Variants in MIA3 observed in about 807,000 individuals in gnomAD.
The protein encoded by MIA3 is MIA SH3 domain ER export factor 3.
A neutral mutation model predicts 192.4 loss-of-function variants in MIA3; 90 were observed. That is an observed-to-expected ratio of 0.47 (90% CI 0.39 to 0.56). The LOEUF is 0.56. Ranked by LOEUF, MIA3 falls within the 20% of genes least tolerant of loss-of-function variation. The pLI is 0.00. For synonymous variants in MIA3, 740 were observed against 792.8 expected, an observed-to-expected ratio of 0.93 and a Z score of 1.12; for missense variants, 2,123 against 2,269.4, an observed-to-expected ratio of 0.94 and a Z score of 1.31.
Position 222,667,777 on chromosome 1 carries a change from CTAAT to C in MIA3, c.*2160_*2163del, listed in dbSNP as rs1292555857. On this transcript the variant is annotated 3_prime_UTR_variant, in exon 28 of 28. Coordinates refer to ENST00000344922, the MANE Select transcript of MIA3 (RefSeq NM_198551.4). ...CATCTATTTTGGAAGTCATCTCCAA[CTAAT>C]TGTGTCTGGATTTAGTTGCTAAAAT... 3.3e-5 allele frequency: 5 copies of C among 151,842 alleles called. No individual in the cohort carries two copies. The highest frequency in any genetic ancestry group is 1.2e-4 in the African/African-American group (5 of 41,246). 9.4% of individuals were successfully genotyped at this position (151,842 alleles called of 1,614,324 possible).
intron 18 of MIA3, among the ~76,000 whole-genome samples, chr1:222,655,569 T>C (rs1026407812): frequency 4.6e-5 from 7 of 152,248 alleles, no homozygotes; most frequent in African/African-American, 1.7e-4. Context: ...TACTGCTGTA[T>C]GCCATTAAAT....
At chr1:222,656,219 G>A (rs1229073058) in intron 18 of MIA3, among the ~76,000 whole-genome samples, 4 of 151,692 alleles carry the variant, frequency 2.6e-5, no homozygotes, top group African/African-American at 7.3e-5. Context: ...TGATCCACCC[G>A]CCTCGGCCTC....
intron 1 of MIA3, among the ~76,000 whole-genome samples, chr1:222,620,418 T>C (rs1241809412): frequency 6.6e-6 from 1 of 152,262 alleles, no homozygotes; most frequent in Admixed American, 6.5e-5. Flanking sequence ...ATTTTGTTTA[T>C]AGAAAAATAT....
intron 19 of MIA3, 110 bp downstream of exon 19, chr1:222,658,933 C>A: frequency 7.7e-6 from 5 of 653,594 alleles, no homozygotes; most frequent in Admixed American, 3.2e-5. Context: ...TACATCAATT[C>A]ACACAAAAGA....
intron 5 of MIA3, 137 bp from the exon 6 acceptor site, chr1:222,632,967 A>G: frequency 2.3e-6 from 2 of 872,004 alleles, no homozygotes; most frequent in Non-Finnish European, 3.6e-6. Flanking sequence ...CACAGTGCAC[A>G]GTAAACATCC....
intron 6 of MIA3, among the ~76,000 whole-genome samples, chr1:222,635,758 TG>T (rs1662596619): frequency 6.6e-6 from 1 of 152,200 alleles, no homozygotes; most frequent in Non-Finnish European, 1.5e-5. Flanking sequence ...ATCTTAGGGT[TG>T]GAAGAGACCT....
chr1:222,621,958 G>C (rs1162198923), intron 2 of MIA3, among the ~76,000 whole-genome samples: 1 of 152,076 alleles, frequency 6.6e-6, no homozygotes, highest in Non-Finnish European at 1.5e-5. Flanking sequence ...GCAGGTGCCT[G>C]CCACCACACG....
intron 1 of MIA3, among the ~76,000 whole-genome samples, chr1:222,619,736 G>A (rs1183405561): frequency 6.6e-6 from 1 of 152,216 alleles, no homozygotes; most frequent in African/African-American, 2.4e-5. Context: ...GAGGCATGAT[G>A]TTAGAAGAGC....
chr1:222,620,119 A>G (rs1661790688), intron 1 of MIA3, among the ~76,000 whole-genome samples: 1 of 152,246 alleles, frequency 6.6e-6, no homozygotes, highest in South Asian at 2.1e-4. Flanking sequence ...GCTTCAAAAA[A>G]CAAGTAGCCC....
Position 222,640,260 on chromosome 1 carries a change from G to A in MIA3, c.3478-5294G>A, listed in dbSNP as rs571569806. On this transcript the variant is annotated intron_variant, in intron 6 of 27. Coordinates refer to ENST00000344922, the MANE Select transcript of MIA3 (RefSeq NM_198551.4). ...ACTATATTGTTAAGCTCCCCAATTT[G>A]ATCACTTGCATTAACATAGCCCCAA... Among the ~76,000 whole-genome samples the A allele has an allele frequency of 3.3e-5, 5 of 152,178 alleles. No individual in the cohort carries two copies. The East Asian group carries it at 9.6e-4, about 29-fold the overall frequency.
chr1:222,660,473 C>G (rs1663956111), intron 24 of MIA3, 159 bp downstream of exon 24: 1 of 539,080 alleles, frequency 1.9e-6, no homozygotes, highest in East Asian at 3.4e-5. Context: ...TATTCAACTG[C>G]AAGATTTGCT....
At chr1:222,650,262 A>G in intron 8 of MIA3, 30 bp from the exon 9 acceptor site, 2 of 1,285,506 alleles carry the variant, frequency 1.6e-6, no homozygotes, top group South Asian at 2.5e-5. Context: ...TAGTGATCAT[A>G]ATAACCTTAT....
In MIA3 at chr1:222,621,286, T is replaced by A. The variant is rs748064494; in HGVS notation, c.261T>A (p.Ala87=). The A allele has an allele frequency of 6.2e-7, 1 of 1,605,454 alleles. No homozygotes were observed. Among genetic ancestry groups the A allele is most frequent in the Non-Finnish European group, 8.5e-7 (1 of 1,177,816 alleles). The change falls in exon 2 of 28, where the codon GCT becomes GCA. Residue 87 remains alanine (A), a synonymous_variant. Coordinates refer to ENST00000344922, the MANE Select transcript of MIA3 (RefSeq NM_198551.4). The stretch of plus-strand genomic sequence containing the variant: ...CAAGAGGATGGCCTGAAGTTTGGGC[T>A]GGAAGTGTAAGTAAAATATCGACAT... ...KLARGWPEVW[A]GSVGRTFGYF...
At chr1:222,644,716 C>A (rs1427316813) in intron 6 of MIA3, 5 of 992,656 alleles carry the variant, frequency 5.0e-6, no homozygotes, top group Non-Finnish European at 7.5e-6. Context: ...GAAAGCAAGA[C>A]GTTTCTATGC....
chr1:222,665,551 G>A lies in MIA3; in HGVS notation c.5656G>A (p.Asp1886Asn), dbSNP rs1041023345. Residue 1886 changes from aspartate to asparagine, a missense_variant, in exon 28 of 28, where the codon GAT (aspartate) becomes AAT (asparagine). By Grantham distance (23) the Asp-to-Asn change is conservative. This residue lies in a region of MIA3 where 762 missense variants were observed against 856.4 expected (regional missense o/e 0.89). Coordinates refer to ENST00000344922, the MANE Select transcript of MIA3 (RefSeq NM_198551.4). ...AGACTTACTGCCGTCAGGCTCTAGA[G>A]ATGAGCCTCCACCTGCCTCTCAGAG... ...VRDLLPSGSR[D>N]EPPPASQSTS... 10 of 1,613,976 alleles carry A rather than the reference G, an allele frequency of 6.2e-6. No homozygotes were observed. In the Admixed American group the frequency reaches 1.0e-4, roughly 16 times the overall value.
rs547929241 is a variant in MIA3 at position 222,664,083 on chromosome 1, T to C, written c.5348T>C (p.Ile1783Thr). ...ATGGGAGGCCCTGTACCACCACCCA[T>C]TCGATATGGACCACCACCTCAGCTC... Reference protein sequence around the residue: ...TPMGGPVPPPIRYGPPPQLCG... With the variant: ...TPMGGPVPPPTRYGPPPQLCG... The change falls in exon 27 of 28, where the codon ATT (isoleucine) becomes ACT (threonine). Residue 1783 changes from isoleucine (I) to threonine (T), a missense_variant. Transcript: ENST00000344922. The C allele has an allele frequency of 1.2e-6, 2 of 1,614,206 alleles. No individual in the cohort carries two copies. The highest frequency in any genetic ancestry group is 2.2e-5 in the South Asian group (2 of 91,088).
At chr1:222,638,547 C>T (rs1051060029) in intron 6 of MIA3, among the ~76,000 whole-genome samples, 1 of 151,850 alleles carries the variant, frequency 6.6e-6, no homozygotes, top group African/African-American at 2.4e-5. Context: ...CACACACACA[C>T]ACAGCTGGGC....
At chr1:222,636,232 C>G (rs1291060947) in intron 6 of MIA3, among the ~76,000 whole-genome samples, 1 of 152,076 alleles carries the variant, frequency 6.6e-6, no homozygotes, top group Non-Finnish European at 1.5e-5. Context: ...ATTGTAATTC[C>G]TGATGATTAA....
At chr1:222,654,359 A>C in intron 16 of MIA3, 30 bp from the exon 17 acceptor site, 1 of 1,612,372 alleles carries the variant, frequency 6.2e-7, no homozygotes, top group Non-Finnish European at 8.5e-7. Context: ...CCTCACTTTT[A>C]TGAATACTTG....
Sources: gnomAD v4.1 joint callset for allele counts (sites outside exome capture counted in the v4.1 genomes callset) on GRCh38, gnomAD v4.1.1 for gene constraint, gnomAD v4.1.1 regional missense constraint, MANE v1.5 for transcripts, NCBI Gene and HGNC (gene_info 2026-07-23, HGNC 2026-07-21) for gene names.